Variants in RPS6KA2 observed in about 807,000 individuals in gnomAD.
RPS6KA2 encodes the protein ribosomal protein S6 kinase A2.
RPS6KA2 carries 42 observed loss-of-function variants against 91.8 expected under a neutral mutation model. The ratio of observed to expected loss-of-function variants is 0.46; its 90% CI spans 0.36 to 0.59. The LOEUF (loss-of-function observed/expected upper bound fraction) is 0.59. RPS6KA2 is among the 20% of genes least tolerant of loss of function. RPS6KA2 has a pLI of 0.00. For synonymous variants in RPS6KA2, 414 were observed against 393.6 expected, an observed-to-expected ratio of 1.05 and a Z score of -0.61; for missense variants, 798 against 978.5, an observed-to-expected ratio of 0.82 and a Z score of 2.46.
chr6:166,717,304 G>T (rs1429361371), intron 2 of RPS6KA2, among the ~76,000 whole-genome samples: 1 of 152,174 alleles, frequency 6.6e-6, no homozygotes, highest in East Asian at 1.9e-4. Context: ...TGTATTCCCC[G>T]CAACAGAGAG....
In RPS6KA2 at chr6:166,821,438, C is replaced by T. The variant is rs970258776; in HGVS notation, c.123+36762G>A. On this transcript the variant is annotated intron_variant, in intron 2 of 21. Transcript: ENST00000503859. This position sits in a 1 kb window ranked among gnomAD's most constrained non-coding sequence, Gnocchi z 4.1. The stretch of plus-strand genomic sequence containing the variant: ...GGGTGGAGAGGCAGGCAGGCAGAAA[C>T]ACAGGAGGCCTCACTATGTCTTCTT... Among the ~76,000 whole-genome samples the T allele has an allele frequency of 3.3e-5, 5 of 152,072 alleles. No individual in the cohort carries two copies. The highest frequency in any genetic ancestry group is 9.7e-5 in the African/African-American group (4 of 41,398).
At chr6:166,837,596 G>A (rs902527051) in intron 2 of RPS6KA2, among the ~76,000 whole-genome samples, 2 of 152,222 alleles carry the variant, frequency 1.3e-5, no homozygotes, top group Non-Finnish European at 2.9e-5. Flanking sequence ...GGATGGCCCC[G>A]TGGCTGGGGC....
chr6:166,492,895 T>A (rs538005763), intron 8 of RPS6KA2, among the ~76,000 whole-genome samples: 20 of 148,028 alleles, frequency 1.4e-4, no homozygotes, highest in Admixed American at 1.1e-3. Flanking sequence ...TTTGTATTTT[T>A]TTTTTTTTTT....
chr6:166,819,197 G>C (rs1419047445), intron 2 of RPS6KA2, among the ~76,000 whole-genome samples: 3 of 152,042 alleles, frequency 2.0e-5, no homozygotes, highest in Non-Finnish European at 2.9e-5. Flanking sequence ...AGGGGTTTCT[G>C]TTCTCTTCCG....
At chr6:166,858,560 G>A (rs1024285039) in intron 1 of RPS6KA2, among the ~76,000 whole-genome samples, 1 of 152,214 alleles carries the variant, frequency 6.6e-6, no homozygotes, top group Non-Finnish European at 1.5e-5. Context: ...TCTAAAGGAC[G>A]ACAAGGTGAT....
chr6:166,470,577 C>T (rs1441646124), intron 10 of RPS6KA2, among the ~76,000 whole-genome samples: 2 of 152,186 alleles, frequency 1.3e-5, no homozygotes, highest in South Asian at 2.1e-4. Context: ...GAGGAGTAGG[C>T]GGAGCGCTGG....
In RPS6KA2 at chr6:166,490,878, G is replaced by A. The variant is rs76410929; in HGVS notation, c.748-137C>T. On this transcript the variant is annotated intron_variant, in intron 8 of 20. Transcript: ENST00000265678. This position sits in a 1 kb window ranked among gnomAD's most constrained non-coding sequence, Gnocchi z 4.2. ...CTCCATCAGTCAATTGTAGCCACTG[G>A]CCTACGTGCTTGGGGTACAACAGTG... The A allele has an allele frequency of 2.1e-3, 1,394 of 658,768 alleles. 15 individuals are homozygous for A. In the African/African-American group the frequency reaches 0.022, roughly 11 times the overall value. 40.8% of individuals were successfully genotyped at this position (658,768 alleles called of 1,614,324 possible).
chr6:166,458,294 G>A (rs1002941818), intron 12 of RPS6KA2, among the ~76,000 whole-genome samples: 1 of 152,174 alleles, frequency 6.6e-6, no homozygotes, highest in Non-Finnish European at 1.5e-5. Flanking sequence ...CTGTTCTCAT[G>A]ATGGTCAATG....
chr6:166,754,288 C>T (rs1044223728), intron 2 of RPS6KA2, among the ~76,000 whole-genome samples: 3 of 152,136 alleles, frequency 2.0e-5, no homozygotes, highest in African/African-American at 4.8e-5. Context: ...CAACTGTCAG[C>T]GAAAAGAGAG....
intron 1 of RPS6KA2, among the ~76,000 whole-genome samples, chr6:166,597,404 T>C (rs2344714): frequency 0.71 from 107,652 of 152,116 alleles, 39,688 homozygotes; most frequent in East Asian, 0.97. Context: ...AGCCAGGCCA[T>C]GGGGGCCATT....
chr6:166,570,840 CT>C (rs1467060058), intron 1 of RPS6KA2, among the ~76,000 whole-genome samples: 4 of 152,258 alleles, frequency 2.6e-5, no homozygotes, highest in African/African-American at 4.8e-5. Context: ...AAAGGTAGAT[CT>C]GAATAAGTAG....
chr6:166,711,479 T>C (rs1409724962), intron 2 of RPS6KA2, among the ~76,000 whole-genome samples: 2 of 148,360 alleles, frequency 1.3e-5, no homozygotes, highest in Non-Finnish European at 3.0e-5. Context: ...GCAGCCATGA[T>C]AAAAATGCTT....
At chr6:166,731,753 G>A (rs1026129623) in intron 2 of RPS6KA2, among the ~76,000 whole-genome samples, 4 of 151,932 alleles carry the variant, frequency 2.6e-5, no homozygotes, top group African/African-American at 7.3e-5. Context: ...GTACACTTAC[G>A]CCCAAACCTG....
chr6:166,671,925 G>A lies in RPS6KA2; in HGVS notation c.124-133141C>T, dbSNP rs574301064. ...GTTCAGATTCGCAGGAGGACAGCAG[G>A]GGATTAGGAAGGTCCATTCTCAGTT... On this transcript the variant is annotated intron_variant, in intron 2 of 21. Coordinates refer to the RPS6KA2 transcript ENST00000503859. Among the ~76,000 whole-genome samples the A allele has an allele frequency of 9.2e-4, 140 of 152,260 alleles. 1 individual carries two copies. The highest frequency in any genetic ancestry group is 3.4e-3 in the Middle Eastern group (1 of 294).
intron 2 of RPS6KA2, among the ~76,000 whole-genome samples, chr6:166,718,412 AG>A (rs769401648): frequency 3.9e-4 from 60 of 152,334 alleles, no homozygotes; most frequent in Admixed American, 6.5e-4. Context: ...TCCATCAGGA[AG>A]GCAGAAAAGG....
At chr6:166,806,111 G>C (rs1779487353) in intron 2 of RPS6KA2, among the ~76,000 whole-genome samples, 1 of 152,170 alleles carries the variant, frequency 6.6e-6, no homozygotes, top group African/African-American at 2.4e-5. Context: ...ATTGAACAGA[G>C]TCTAAGGTAC....
intron 2 of RPS6KA2, among the ~76,000 whole-genome samples, chr6:166,824,139 A>G (rs1779975213): frequency 6.6e-6 from 1 of 152,202 alleles, no homozygotes; most frequent in Non-Finnish European, 1.5e-5. Context: ...GCATGTGTAT[A>G]CATGTACACA....
At chr6:166,781,547 C>G (rs1778773326) in intron 2 of RPS6KA2, among the ~76,000 whole-genome samples, 1 of 152,162 alleles carries the variant, frequency 6.6e-6, no homozygotes, top group African/African-American at 2.4e-5. Flanking sequence ...GTGGGGCTGA[C>G]CCAGGACTGC....
intron 1 of RPS6KA2, among the ~76,000 whole-genome samples, chr6:166,583,194 C>T (rs1410778387): frequency 6.6e-6 from 1 of 152,210 alleles, no homozygotes; most frequent in Non-Finnish European, 1.5e-5. Flanking sequence ...CAAATTGCTA[C>T]TTGTGAGCTA....
Sources: allele counts gnomAD v4.1 joint callset (sites outside exome capture counted in the v4.1 genomes callset), GRCh38; gene constraint gnomAD v4.1.1; non-coding constraint Gnocchi (gnomAD v3.1); transcripts MANE v1.5; gene names NCBI Gene and HGNC (gene_info 2026-07-23, HGNC 2026-07-21).